Variants in DMAC2 observed in about 807,000 individuals in gnomAD.
DMAC2 encodes the protein distal membrane arm assembly component 2.
A neutral mutation model predicts 29.6 loss-of-function variants in DMAC2; 32 were observed. That is an observed-to-expected ratio of 1.08 (90% CI 0.81 to 1.45). The LOEUF (loss-of-function observed/expected upper bound fraction) is 1.45. DMAC2 is among the 40% of genes most tolerant of loss of function. The pLI, the probability that DMAC2 is intolerant of heterozygous loss-of-function variation, is 0.00. For missense variants in DMAC2, 319 were observed against 340.0 expected (o/e 0.94, Z 0.49); for synonymous variants, 133 against 137.4 (o/e 0.97, Z 0.23).
intron 1 of DMAC2, 66 bp downstream of exon 1, chr19:41,439,816 G>T (rs1568530476): frequency 6.2e-7 from 1 of 1,610,034 alleles, no homozygotes; most frequent in Non-Finnish European, 8.5e-7. Flanking sequence ...CGCCAACAGA[G>T]GCCCTGAATG....
At chr19:41,432,883 CGTGCGTGCATGCGTGCATGTGTGTGT>C in intron 5 of DMAC2, 1 of 405,092 alleles carries the variant, frequency 2.5e-6, no homozygotes, top group East Asian at 4.3e-5. Flanking sequence ...TGTGTGTGTG[CGTGCGTGCATGCGTGCATGTGTGTGT>C]GTATAGGGAG....
Position 41,436,450 on chromosome 19 carries a change from G to A in DMAC2, c.238C>T (p.Gln80Ter). ...GCACCTGCGCCGTATGGACCATGTT[G>A]CTTCTCCAGCCAGGTGTAAGATCTG... ...KNRSYTWLEKQHGPYGAGAFF... is the reference protein window; with the variant it reads ...KNRSYTWLEK Residue 80 changes from glutamine to a stop codon, truncating the protein, a stop_gained, in exon 3 of 6, where the codon CAA becomes TAA. Coordinates refer to ENST00000221943, the MANE Select transcript of DMAC2 (RefSeq NM_018035.3). LOFTEE classifies it high-confidence loss of function. 6.2e-7 allele frequency: 1 copy of A among 1,614,102 alleles called. No individual in the cohort carries two copies. Among genetic ancestry groups the A allele is most frequent in the Non-Finnish European group, 8.5e-7 (1 of 1,180,008 alleles).
intron 3 of DMAC2, among the ~76,000 whole-genome samples, chr19:41,434,620 C>A (rs1423785573): frequency 6.6e-6 from 1 of 151,752 alleles, no homozygotes; most frequent in Non-Finnish European, 1.5e-5. Flanking sequence ...TCTATGTGAA[C>A]TGTCTTTTCC....
rs527776229 is a variant in DMAC2, at chr19:41,432,490, G to A, written c.597-82C>T. ...TAGGGAGGTACAGGACAGCGTGTGCGTGTGTGTGTGTGTATAGGCAGGTAA... is the reference window on the plus strand; with the variant it reads ...TAGGGAGGTACAGGACAGCGTGTGCATGTGTGTGTGTGTATAGGCAGGTAA... On this transcript the variant is annotated intron_variant, in intron 5 of 5. Coordinates refer to ENST00000221943, the MANE Select transcript of DMAC2 (RefSeq NM_018035.3). 1.3e-4 allele frequency: 127 copies of A among 958,728 alleles called. No individual in the cohort carries two copies. The African/African-American group carries it at 1.5e-3, about 11-fold the overall frequency. The allele number at this position is 958,728 out of a possible 1,614,324, so 59.4% of individuals were successfully genotyped here.
intron 2 of DMAC2, 68 bp downstream of exon 2, chr19:41,438,150 G>A: frequency 6.8e-7 from 1 of 1,460,412 alleles, no homozygotes; most frequent in Non-Finnish European, 9.4e-7. Flanking sequence ...CCTGGGAATG[G>A]CAAGGACAGG....
chr19:41,434,187 A>G (rs1555770501), intron 3 of DMAC2, among the ~76,000 whole-genome samples: 1 of 151,972 alleles, frequency 6.6e-6, no homozygotes, highest in Non-Finnish European at 1.5e-5. Flanking sequence ...GTGAGCCGAG[A>G]TCGTGCCACT....
At chr19:41,435,263 G>A (rs1328239122) in intron 3 of DMAC2, among the ~76,000 whole-genome samples, 6 of 151,560 alleles carry the variant, frequency 4.0e-5, no homozygotes, top group Admixed American at 1.3e-4. Flanking sequence ...GAGCTACCAC[G>A]CCCAGCCATT....
At chr19:41,439,257 C>T in intron 1 of DMAC2, 2 of 483,320 alleles carry the variant, frequency 4.1e-6, no homozygotes, top group Non-Finnish European at 7.4e-6. Flanking sequence ...TTACCCAAAC[C>T]CTTATTTTCC....
chr19:41,433,642 TA>T lies in DMAC2; in HGVS notation c.327del (p.Asp109GlufsTer39). 1 of 1,614,160 alleles carries T rather than the reference TA, an allele frequency of 6.2e-7. No individual in the cohort carries two copies. Among genetic ancestry groups the T allele is most frequent in the Non-Finnish European group, 8.5e-7 (1 of 1,180,022 alleles). On this transcript the variant is annotated frameshift_variant, in exon 4 of 6. Coordinates refer to ENST00000221943, the MANE Select transcript of DMAC2 (RefSeq NM_018035.3). LOFTEE classifies it high-confidence loss of function. ...AACTCCTGAGAGAAATGGCCATACTTATCTGGCCTGATCCACTCCTTGTCTC... is the reference window on the plus strand; with the variant it reads ...AACTCCTGAGAGAAATGGCCATACTTTCTGGCCTGATCCACTCCTTGTCTC... ...KFRDKEWIRP[D>X]KYGHFSQEFW...
At chr19:41,438,485 C>T (rs2039989734) in intron 1 of DMAC2, 71 bp from the exon 2 acceptor site, 1 of 1,331,868 alleles carries the variant, frequency 7.5e-7, no homozygotes, top group Non-Finnish European at 1.0e-6. Context: ...TCCCCCAGTT[C>T]TTGCTCCATG....
chr19:41,435,990 C>T (rs2039842868), intron 3 of DMAC2, among the ~76,000 whole-genome samples: 1 of 152,100 alleles, frequency 6.6e-6, no homozygotes, highest in Non-Finnish European at 1.5e-5. Context: ...ATTCTCCTGC[C>T]TCAGCCTCCC....
chr19:41,432,155 G>T lies in DMAC2; in HGVS notation c.*76C>A. 2 of 1,515,278 alleles carry T rather than the reference G, an allele frequency of 1.3e-6. No homozygotes were observed. Among genetic ancestry groups the T allele is most frequent in the Non-Finnish European group, 9.0e-7 (1 of 1,111,638 alleles). The allele number at this position is 1,515,278 out of a possible 1,614,324, so 93.9% of individuals were successfully genotyped here. A position where few individuals can be genotyped will look rare whatever the true frequency, so the allele number is the denominator to read the frequency against. ...TGACGTTGAGTGAAGACAAATGGAA[G>T]CCAGAAGTGTGGTGAGCTACCAGAC... On this transcript the variant is annotated 3_prime_UTR_variant, in exon 6 of 6. Coordinates refer to ENST00000221943, the MANE Select transcript of DMAC2 (RefSeq NM_018035.3).
chr19:41,436,405 C>T lies in DMAC2; in HGVS notation c.283G>A (p.Gly95Arg), dbSNP rs1386032113. The change falls in exon 3 of 6, where the codon GGA becomes AGA. Residue 95 changes from glycine to arginine, a missense_variant. Transcript: ENST00000221943. ...GAGAFFILKQ[G>R]GAVKFRDKEW... is the part of the protein sequence containing the mutation. ...TAGCGGTCATACTTGACTGCGCCTC[C>T]CTGCTTCAGGATGAAAAAGGCACCT... is the stretch of plus-strand genomic sequence containing the variant. 1.9e-6 allele frequency: 3 copies of T among 1,614,036 alleles called. No individual in the cohort carries two copies. Among genetic ancestry groups the T allele is most frequent in the Non-Finnish European group, 1.7e-6 (2 of 1,180,034 alleles).
chr19:41,431,608 A>C lies in DMAC2; in HGVS notation c.*623T>G. ...AGAGGCAGAAGCACAACCAACAAGA[A>C]CCACGAAGGAGGCGCCTTTCCTCCT... is the stretch of plus-strand genomic sequence containing the variant. On this transcript the variant is annotated 3_prime_UTR_variant, in exon 6 of 6. Transcript: ENST00000221943. The C allele has an allele frequency of 3.5e-6, 1 of 283,244 alleles. No individual in the cohort carries two copies. Among genetic ancestry groups the C allele is most frequent in the Non-Finnish European group, 7.0e-6 (1 of 143,130 alleles). 17.5% of individuals were successfully genotyped at this position (283,244 alleles called of 1,614,324 possible).
Position 41,431,762 on chromosome 19 carries a change from CGCTGGCCTTTAGTGAGTGGAGTGGGGCGA to C in DMAC2, c.*440_*468del, listed in dbSNP as rs2039521112. ...CAGCAATACTATGGGGCCTGGGGTG[CGCTGGCCTTTAGTGAGTGGAGTGGGGCGA>C]AGGATGCTGCATGTCCTGCAGTGGG... On this transcript the variant is annotated 3_prime_UTR_variant, in exon 6 of 6. Transcript: ENST00000221943. 4.4e-6 allele frequency: 1 copy of C among 229,162 alleles called. No homozygotes were observed. The highest frequency in any genetic ancestry group is 2.3e-5 in the African/African-American group (1 of 43,420). The allele number at this position is 229,162 out of a possible 1,614,324, so 14.2% of individuals were successfully genotyped here.
intron 2 of DMAC2, among the ~76,000 whole-genome samples, chr19:41,437,742 T>G (rs2039947815): frequency 6.6e-6 from 1 of 151,630 alleles, no homozygotes; most frequent in Admixed American, 6.6e-5. Context: ...CCCAGTTAGC[T>G]TATTGAGTGA....
At chr19:41,435,416 G>A (rs1291489564) in intron 3 of DMAC2, among the ~76,000 whole-genome samples, 1 of 152,012 alleles carries the variant, frequency 6.6e-6, no homozygotes, top group Non-Finnish European at 1.5e-5. Flanking sequence ...CATTACAGGC[G>A]TGCGCCACCA....
intron 1 of DMAC2, chr19:41,439,340 A>C (rs1281169769): frequency 1.5e-4 from 84 of 578,742 alleles, no homozygotes; most frequent in Non-Finnish European, 1.5e-5. Context: ...CTCTGAAAGA[A>C]TATCTCAAAT....
Position 41,438,278 on chromosome 19 carries a change from A to G in DMAC2, c.155T>C (p.Val52Ala). 1.9e-6 allele frequency: 3 copies of G among 1,614,268 alleles called. No homozygotes were observed. The highest frequency in any genetic ancestry group is 2.5e-6 in the Non-Finnish European group (3 of 1,180,040). Residue 52 changes from valine (V) to alanine (A), a missense_variant, in exon 2 of 6, where the codon GTG becomes GCG. Physicochemically the swap from Val to Ala is moderately conservative, Grantham distance 64. Coordinates refer to ENST00000221943, the MANE Select transcript of DMAC2 (RefSeq NM_018035.3). ...LQFLTNYFYDVEALRDYLLQR... is the reference protein window; with the variant it reads ...LQFLTNYFYDAEALRDYLLQR... ...GAGCAAGTAATCCCTCAGAGCCTCC[A>G]CATCGTAGAAATAGTTGGTCAGGAA...
Sources: allele counts gnomAD v4.1 joint callset (sites outside exome capture counted in the v4.1 genomes callset), GRCh38; gene constraint gnomAD v4.1.1; transcripts MANE v1.5; gene names NCBI Gene and HGNC (gene_info 2026-07-23, HGNC 2026-07-21).